The following NTNG2 variants were observed in gnomAD, a reference collection of about 807,000 sequenced individuals.
The protein encoded by NTNG2 is netrin G2, also known as netrin-G2.
In NTNG2, 15 loss-of-function variants were observed where a neutral mutation model predicts 47.6. That is an observed-to-expected ratio of 0.32 (90% CI 0.21 to 0.49). NTNG2 has a LOEUF of 0.49. NTNG2 is among the 20% of genes least tolerant of loss of function. The probability of loss-of-function intolerance (pLI) is 0.99; values close to 1 mark genes in which losing one functional copy is unlikely to be tolerated. For missense variants in NTNG2, 578 were observed against 764.6 expected (o/e 0.76, Z 2.88); for synonymous variants, 307 against 324.6 (o/e 0.95, Z 0.58).
In NTNG2 at chr9:132,243,214, T is replaced by C. The variant is rs561076157; in HGVS notation, c.*1103T>C. On this transcript the variant is annotated 3_prime_UTR_variant, in exon 8 of 8. Transcript: ENST00000393229. ...ACTGTGTCTCGGTGGCCACCTCCGATGGATGTGTCATCTCAGACCTGTTGC... is the reference window on the plus strand; with the variant it reads ...ACTGTGTCTCGGTGGCCACCTCCGACGGATGTGTCATCTCAGACCTGTTGC... The C allele has an allele frequency of 4.7e-5, 7 of 150,062 alleles. 1 individual carries two copies. In the South Asian group the frequency reaches 1.3e-3, roughly 27 times the overall value. 9.3% of individuals were successfully genotyped at this position (150,062 alleles called of 1,614,324 possible). A position where few individuals can be genotyped will look rare whatever the true frequency, so the allele number is the denominator to read the frequency against.
Position 132,162,864 on chromosome 9 carries a change from G to A in NTNG2, c.-484+625G>A, listed in dbSNP as rs918711950. On this transcript the variant is annotated intron_variant, in intron 1 of 7. Coordinates refer to ENST00000393229, the MANE Select transcript of NTNG2 (RefSeq NM_032536.4). This position sits in a 1 kb window ranked among gnomAD's most constrained non-coding sequence, Gnocchi z 4.6. Reference sequence around the variant, plus strand: ...TGAGGGGGCGCAGGCACTGGTTTGGGGCCGGCGTGGAGTCGAACCTGGAAC... The same window carrying A: ...TGAGGGGGCGCAGGCACTGGTTTGGAGCCGGCGTGGAGTCGAACCTGGAAC... Among the ~76,000 whole-genome samples the A allele has an allele frequency of 8.5e-5, 13 of 152,156 alleles. No individual in the cohort carries two copies. Among genetic ancestry groups the A allele is most frequent in the African/African-American group, 1.9e-4 (8 of 41,540 alleles).
chr9:132,179,853 T>C (rs537865770), intron 2 of NTNG2, among the ~76,000 whole-genome samples: 1 of 152,250 alleles, frequency 6.6e-6, no homozygotes, highest in East Asian at 1.9e-4. Context: ...GGAGTTCGAA[T>C]GGTCGTTCTG....
At chr9:132,207,028 G>A (rs1218695476) in intron 3 of NTNG2, among the ~76,000 whole-genome samples, 2 of 152,276 alleles carry the variant, frequency 1.3e-5, no homozygotes, top group Non-Finnish European at 2.9e-5. Context: ...AGGGTCACAG[G>A]AGGCTTGGGG....
intron 3 of NTNG2, among the ~76,000 whole-genome samples, chr9:132,202,260 G>C (rs530245099): frequency 2.0e-5 from 3 of 152,332 alleles, no homozygotes; most frequent in South Asian, 2.1e-4. Flanking sequence ...TAGGCAGGAG[G>C]GGGAGGACAG....
intron 3 of NTNG2, among the ~76,000 whole-genome samples, chr9:132,220,762 C>T (rs897291248): frequency 1.3e-5 from 2 of 152,144 alleles, no homozygotes; most frequent in Admixed American, 1.3e-4. Context: ...ACGTTTCCAT[C>T]TGAGAGTTTT....
chr9:132,226,064 G>T lies in NTNG2; in HGVS notation c.858-785G>T, dbSNP rs1479004688. Among the ~76,000 whole-genome samples the T allele has an allele frequency of 6.6e-6, 1 of 152,186 alleles. No individual in the cohort carries two copies. Among genetic ancestry groups the T allele is most frequent in the Non-Finnish European group, 1.5e-5 (1 of 68,040 alleles). Reference sequence around the variant, plus strand: ...CTGTCTGCTGGCCTCTCAGTGGGAAGTTCTGGGCTGGTGCGGCTCAGTGCC... The same window carrying T: ...CTGTCTGCTGGCCTCTCAGTGGGAATTTCTGGGCTGGTGCGGCTCAGTGCC... On this transcript the variant is annotated intron_variant, in intron 3 of 7. Transcript: ENST00000393229. This position sits in a 1 kb window ranked among gnomAD's most constrained non-coding sequence, Gnocchi z 4.8.
rs572001616 is a variant in NTNG2, at chr9:132,199,524, C to T, written c.857+915C>T. On this transcript the variant is annotated intron_variant, in intron 3 of 7. Coordinates refer to ENST00000393229, the MANE Select transcript of NTNG2 (RefSeq NM_032536.4). Reference sequence around the variant, plus strand: ...ACATGGGACAATGCTTGTGAACTATCACCAGGCAGGGATGCTTACTGAAGC... The same window carrying T: ...ACATGGGACAATGCTTGTGAACTATTACCAGGCAGGGATGCTTACTGAAGC... Among the ~76,000 whole-genome samples, 3 of 152,326 alleles carry T rather than the reference C, an allele frequency of 2.0e-5. No homozygotes were observed. The South Asian group carries it at 6.2e-4, about 32-fold the overall frequency.
Position 132,180,635 on chromosome 9 carries a change from G to T in NTNG2, c.213+13591G>T, listed in dbSNP as rs1255993897. On this transcript the variant is annotated intron_variant, in intron 2 of 7. Coordinates refer to ENST00000393229, the MANE Select transcript of NTNG2 (RefSeq NM_032536.4). The surrounding 1 kb of genome is among the most constrained non-coding windows in gnomAD (Gnocchi z 4.2). ...TCCTGCCTGTAAAATGAGGGGGTCT[G>T]CAGGTCAACCTCAGAGTCCCACTGT... is the stretch of plus-strand genomic sequence containing the variant. 1.3e-5 allele frequency among the ~76,000 whole-genome samples: 2 copies of T among 152,208 alleles called. No individual in the cohort carries two copies. Among genetic ancestry groups the T allele is most frequent in the Non-Finnish European group, 2.9e-5 (2 of 68,044 alleles).
rs569904434 is a variant in NTNG2, at chr9:132,240,210, C to T, written c.1223-700C>T. On this transcript the variant is annotated intron_variant, in intron 6 of 7. Coordinates refer to ENST00000393229, the MANE Select transcript of NTNG2 (RefSeq NM_032536.4). ...CTGGAGCTGTCGGTCTGAATTCTGG[C>T]GGCAGCCTTCAGATAATTCCATCAA... 8.7e-4 allele frequency among the ~76,000 whole-genome samples: 132 copies of T among 152,344 alleles called. 1 individual carries two copies. The highest frequency in any genetic ancestry group is 2.1e-3 in the African/African-American group (89 of 41,580).
At chr9:132,204,580 G>C (rs1041642038) in intron 3 of NTNG2, among the ~76,000 whole-genome samples, 1 of 152,178 alleles carries the variant, frequency 6.6e-6, no homozygotes, top group Non-Finnish European at 1.5e-5. Context: ...ATTCTGTGAT[G>C]TTATTCTGCC....
At position 132,223,171 on chromosome 9, in the gene NTNG2, G is replaced by C. The variant is rs185149476; in HGVS notation, c.858-3678G>C. ...CCATAATTTCCCTAACCATTCTGCA[G>C]GATAATTCGAGGACAGAGAGAAGAC... On this transcript the variant is annotated intron_variant, in intron 3 of 7. Coordinates refer to ENST00000393229, the MANE Select transcript of NTNG2 (RefSeq NM_032536.4). Among the ~76,000 whole-genome samples the C allele has an allele frequency of 1.2e-4, 18 of 152,248 alleles. No individual in the cohort carries two copies. In the East Asian group the frequency reaches 3.5e-3, roughly 29 times the overall value.
At chr9:132,192,989 A>T (rs922944513) in intron 2 of NTNG2, among the ~76,000 whole-genome samples, 3 of 152,204 alleles carry the variant, frequency 2.0e-5, no homozygotes, top group Non-Finnish European at 4.4e-5. Flanking sequence ...CCCCATCTCC[A>T]GCCAGAGCCA....
intron 2 of NTNG2, among the ~76,000 whole-genome samples, chr9:132,187,135 C>G (rs1233383801): frequency 6.6e-6 from 1 of 152,254 alleles, no homozygotes; most frequent in Non-Finnish European, 1.5e-5. Flanking sequence ...GGACCTGTGC[C>G]CAGGCCATGC....
chr9:132,217,706 T>G (rs889166915), intron 3 of NTNG2, among the ~76,000 whole-genome samples: 2 of 152,300 alleles, frequency 1.3e-5, no homozygotes, highest in Admixed American at 6.5e-5. Context: ...CGTCTCCCAC[T>G]TGATCCTTCC....
rs747444400 is a variant in NTNG2 at position 132,203,212 on chromosome 9, C to T, written c.857+4603C>T. Among the ~76,000 whole-genome samples, 6 of 152,048 alleles carry T rather than the reference C, an allele frequency of 3.9e-5. 1 individual carries two copies. In the East Asian group the frequency reaches 1.2e-3, roughly 29 times the overall value. Reference sequence around the variant, plus strand: ...CGTGGAAGCCAGGCATGGTGGTGTGCGCCTGTAGTCCTAGCTACTTGGGAG... The same window carrying T: ...CGTGGAAGCCAGGCATGGTGGTGTGTGCCTGTAGTCCTAGCTACTTGGGAG... On this transcript the variant is annotated intron_variant, in intron 3 of 7. Coordinates refer to ENST00000393229, the MANE Select transcript of NTNG2 (RefSeq NM_032536.4).
rs1327006129 is a variant in NTNG2 at position 132,166,727 on chromosome 9, G to A, written c.-105G>A. 10 of 1,075,086 alleles carry A rather than the reference G, an allele frequency of 9.3e-6. No homozygotes were observed. Among genetic ancestry groups the A allele is most frequent in the African/African-American group, 7.7e-5 (5 of 64,704 alleles). 66.6% of individuals were successfully genotyped at this position (1,075,086 alleles called of 1,614,324 possible). On this transcript the variant is annotated 5_prime_UTR_variant, in exon 2 of 8. Coordinates refer to ENST00000393229, the MANE Select transcript of NTNG2 (RefSeq NM_032536.4). ...TCCCTGGGACACCCCGGCCACCCTC[G>A]CCTGGTAGATGTGGCATTTCCATGC...
Position 132,216,414 on chromosome 9 carries a change from C to CTCTG in NTNG2, c.858-10434_858-10433insCTGT, listed in dbSNP as rs1554790515. Among the ~76,000 whole-genome samples, 26 of 110,328 alleles carry CTCTG rather than the reference C, an allele frequency of 2.4e-4. 2 individuals are homozygous for CTCTG. The East Asian group carries it at 3.3e-3, about 14-fold the overall frequency. The allele number at this position is 110,328 out of a possible 152,430, so 72.4% of individuals were successfully genotyped here. A position where few individuals can be genotyped will look rare whatever the true frequency, so the allele number is the denominator to read the frequency against. On this transcript the variant is annotated intron_variant, in intron 3 of 7. Coordinates refer to ENST00000393229, the MANE Select transcript of NTNG2 (RefSeq NM_032536.4). ...TCTCTCTCTCTCTCTCTCTCTCTCT[C>CTCTG]TGTGTGTGTGTGTATGTGTGTGTGT...
intron 2 of NTNG2, among the ~76,000 whole-genome samples, chr9:132,187,525 TAGA>T (rs1335521202): frequency 7.3e-6 from 1 of 137,468 alleles, no homozygotes; most frequent in African/African-American, 2.8e-5. Context: ...AATGAAACCA[TAGA>T]AGGAGAATGA....
Position 132,236,737 on chromosome 9 carries a change from G to A in NTNG2, c.1055-2367G>A, listed in dbSNP as rs1366240349. On this transcript the variant is annotated intron_variant, in intron 5 of 7. Coordinates refer to ENST00000393229, the MANE Select transcript of NTNG2 (RefSeq NM_032536.4). This position sits in a 1 kb window ranked among gnomAD's most constrained non-coding sequence, Gnocchi z 4.3. ...CCAGGGCACCACAGACCCCCAGAGG[G>A]AAGCCAAGGTAGTGACGATCCCGGG... Among the ~76,000 whole-genome samples the A allele has an allele frequency of 1.3e-5, 2 of 152,220 alleles. No homozygotes were observed. Among genetic ancestry groups the A allele is most frequent in the African/African-American group, 2.4e-5 (1 of 41,464 alleles).
Sources: gnomAD v4.1 joint callset for allele counts (sites outside exome capture counted in the v4.1 genomes callset) on GRCh38, gnomAD v4.1.1 for gene constraint, Gnocchi (gnomAD v3.1) non-coding constraint, MANE v1.5 for transcripts, NCBI Gene and HGNC (gene_info 2026-07-23, HGNC 2026-07-21) for gene names.